The following EPB41L4B variants were observed in gnomAD, a reference collection of about 807,000 sequenced individuals.
EPB41L4B encodes erythrocyte membrane protein band 4.1 like 4B.
In EPB41L4B, 30 loss-of-function variants were observed where a neutral mutation model predicts 112.5. The ratio of observed to expected loss-of-function variants is 0.27; its 90% CI spans 0.20 to 0.36. The LOEUF is 0.36. Ranked by LOEUF, EPB41L4B falls within the 10% of genes least tolerant of loss-of-function variation. The pLI, the probability that EPB41L4B is intolerant of heterozygous loss-of-function variation, is 1.00. For synonymous variants in EPB41L4B, 408 were observed against 439.7 expected (o/e 0.93, Z 0.90); for missense variants, 1,024 against 1,133.3 (o/e 0.90, Z 1.38).
intron 19 of EPB41L4B, among the ~76,000 whole-genome samples, chr9:109,202,310 G>T (rs962705714): frequency 2.0e-5 from 3 of 152,168 alleles, no homozygotes; most frequent in Non-Finnish European, 4.4e-5. Context: ...GAATCATAAG[G>T]TGATACAGAG....
At chr9:109,264,544 G>A (rs1564304393) in intron 5 of EPB41L4B, among the ~76,000 whole-genome samples, 1 of 152,332 alleles carries the variant, frequency 6.6e-6, no homozygotes, top group East Asian at 1.9e-4. Flanking sequence ...AAAAGGAAGT[G>A]AGATGAGATG....
At chr9:109,308,819 TG>T (rs1837313104) in intron 1 of EPB41L4B, among the ~76,000 whole-genome samples, 1 of 152,232 alleles carries the variant, frequency 6.6e-6, no homozygotes, top group Non-Finnish European at 1.5e-5. Context: ...GACTCATGCC[TG>T]TAATCTCAGC....
intron 7 of EPB41L4B, among the ~76,000 whole-genome samples, chr9:109,256,815 G>A (rs1835000657): frequency 1.3e-5 from 2 of 152,210 alleles, no homozygotes. Context: ...GGTGGCACAT[G>A]CCTGTAATCC....
Position 109,195,888 on chromosome 9 carries a change from A to G in EPB41L4B, c.2046-1491T>C, listed in dbSNP as rs1284990086. ...CTTAGTTTAGATCTTATGGCCAAGA[A>G]GCATATCTAAAATTCAGCAAGTCTT... On this transcript the variant is annotated intron_variant, in intron 20 of 25. Coordinates refer to ENST00000374566, the MANE Select transcript of EPB41L4B (RefSeq NM_019114.5). 2.6e-5 allele frequency among the ~76,000 whole-genome samples: 4 copies of G among 152,204 alleles called. No homozygotes were observed. The East Asian group carries it at 7.7e-4, about 29-fold the overall frequency.
chr9:109,256,255 G>A, intron 8 of EPB41L4B, 31 bp from the exon 9 acceptor site: 1 of 1,604,662 alleles, frequency 6.2e-7, no homozygotes, highest in Non-Finnish European at 8.5e-7. Context: ...AATCGGTAGA[G>A]GGTTCTAACA....
At chr9:109,177,367 C>A (rs1588112773) in intron 24 of EPB41L4B, among the ~76,000 whole-genome samples, 1 of 152,334 alleles carries the variant, frequency 6.6e-6, no homozygotes, top group East Asian at 1.9e-4. Context: ...CGTGTTTCAA[C>A]AAGACCTCCA....
intron 15 of EPB41L4B, among the ~76,000 whole-genome samples, chr9:109,239,270 G>A (rs911763092): frequency 1.3e-5 from 2 of 152,190 alleles, no homozygotes; most frequent in African/African-American, 4.8e-5. Flanking sequence ...AGTTGTAGAT[G>A]ATGTATACAT....
At chr9:109,295,700 A>G (rs1836709566) in intron 1 of EPB41L4B, among the ~76,000 whole-genome samples, 1 of 152,230 alleles carries the variant, frequency 6.6e-6, no homozygotes, top group Non-Finnish European at 1.5e-5. Flanking sequence ...CTGAACAGGA[A>G]AAGAAAAGGC....
At chr9:109,265,571 C>CAT (rs71372558) in intron 4 of EPB41L4B, among the ~76,000 whole-genome samples, 3 of 151,096 alleles carry the variant, frequency 2.0e-5, no homozygotes, top group Non-Finnish European at 2.9e-5. Flanking sequence ...CACACACACA[C>CAT]GAAACAAGAA....
intron 1 of EPB41L4B, among the ~76,000 whole-genome samples, chr9:109,313,628 G>A (rs560031986): frequency 2.0e-5 from 3 of 152,340 alleles, no homozygotes; most frequent in East Asian, 3.9e-4. Flanking sequence ...ATTGTGGTGA[G>A]GAGGGTCAGA....
chr9:109,298,058 G>GA (rs962210967), intron 1 of EPB41L4B, among the ~76,000 whole-genome samples: 105 of 147,260 alleles, frequency 7.1e-4, no homozygotes, highest in African/African-American at 1.6e-3. Context: ...GTAGTCTTAA[G>GA]AAAAAAAAAA....
chr9:109,280,515 G>T (rs1372380709), intron 1 of EPB41L4B, among the ~76,000 whole-genome samples: 4 of 152,070 alleles, frequency 2.6e-5, no homozygotes, highest in Admixed American at 2.0e-4. Flanking sequence ...AGAAACAAGG[G>T]GTCAAGTCCT....
chr9:109,280,787 A>G, intron 1 of EPB41L4B, among the ~76,000 whole-genome samples: 1 of 151,986 alleles, frequency 6.6e-6, no homozygotes, highest in Non-Finnish European at 1.5e-5. Flanking sequence ...GCTTAAATCT[A>G]AGTGCCATAA....
chr9:109,250,416 A>T (rs975305153), intron 13 of EPB41L4B, among the ~76,000 whole-genome samples: 1 of 152,128 alleles, frequency 6.6e-6, no homozygotes, highest in Non-Finnish European at 1.5e-5. Flanking sequence ...CATCTCAAAG[A>T]CCACCCTCTC....
Position 109,241,637 on chromosome 9 carries a change from A to G in EPB41L4B, c.1409+1981T>C, listed in dbSNP as rs1834356281. The G allele has an allele frequency of 3.7e-6, 6 of 1,613,328 alleles. No homozygotes were observed. The East Asian group carries it at 1.3e-4, about 36-fold the overall frequency. ...GGAATGCAATGAAACTATGAAGGTG[A>G]ATGGAAGAGAGATGCTTCAGTCTCT... On this transcript the variant is annotated intron_variant, in intron 15 of 25. Coordinates refer to ENST00000374566, the MANE Select transcript of EPB41L4B (RefSeq NM_019114.5).
intron 1 of EPB41L4B, among the ~76,000 whole-genome samples, chr9:109,293,826 T>C (rs1245042384): frequency 6.6e-6 from 1 of 151,966 alleles, no homozygotes; most frequent in African/African-American, 2.4e-5. Flanking sequence ...ACCAACTCCA[T>C]ATTAGAACTC....
intron 15 of EPB41L4B, among the ~76,000 whole-genome samples, chr9:109,223,967 C>T (rs113516217): frequency 0.17 from 26,509 of 151,752 alleles, 2,915 homozygotes; most frequent in Admixed American, 0.25. Context: ...TGCAGTGAGC[C>T]GAGATTGTGC....
chr9:109,202,812 T>C (rs1832879317), intron 19 of EPB41L4B, among the ~76,000 whole-genome samples: 1 of 152,148 alleles, frequency 6.6e-6, no homozygotes, highest in Admixed American at 6.5e-5. Context: ...TTCACTACCG[T>C]GCAATCTATG....
intron 6 of EPB41L4B, among the ~76,000 whole-genome samples, chr9:109,262,452 G>GTGTGTGTGTGTGTGTGTGT (rs34849317): frequency 6.7e-6 from 1 of 149,556 alleles, no homozygotes; most frequent in Non-Finnish European, 1.5e-5. Flanking sequence ...TGTGTGTGGG[G>GTGTGTGTGTGTGTGTGTGT]GTGTGTGTGT....
Sources: allele counts gnomAD v4.1 joint callset (sites outside exome capture counted in the v4.1 genomes callset), GRCh38; gene constraint gnomAD v4.1.1; transcripts MANE v1.5; gene names NCBI Gene and HGNC (gene_info 2026-07-23, HGNC 2026-07-21).